NRXN1: variants seen among roughly 807,000 people sequenced by gnomAD.
The protein encoded by NRXN1 is neurexin-1.
Under a neutral mutation model 150.9 loss-of-function variants are expected in NRXN1, and 39 were observed. That is an observed-to-expected ratio of 0.26 (90% confidence interval 0.20 to 0.34). The LOEUF is 0.34. Among genes scored for constraint, NRXN1 ranks in the 10% least tolerant of loss-of-function variants. The probability of loss-of-function intolerance (pLI) is 1.00; values close to 1 mark genes in which losing one functional copy is unlikely to be tolerated. For synonymous variants in NRXN1, 924 were observed against 757.0 expected (o/e 1.22, Z -3.62); for missense variants, 1,815 against 1,949.9 (o/e 0.93, Z 1.30).
intron 5 of NRXN1, among the ~76,000 whole-genome samples, chr2:50,828,673 C>T (rs1299480884): frequency 6.6e-6 from 1 of 151,660 alleles, no homozygotes; most frequent in Non-Finnish European, 1.5e-5. Flanking sequence ...GATGGGATGG[C>T]GGCCGGGAAG....
At chr2:50,662,910 T>C (rs183223619) in intron 5 of NRXN1, among the ~76,000 whole-genome samples, 64 of 152,122 alleles carry the variant, frequency 4.2e-4, no homozygotes, top group Admixed American at 1.0e-3. Flanking sequence ...GTAAAATCAT[T>C]GATTCTTAGA....
intron 8 of NRXN1, among the ~76,000 whole-genome samples, chr2:50,581,932 T>C (rs1672330380): frequency 6.6e-6 from 1 of 152,128 alleles, no homozygotes; most frequent in Non-Finnish European, 1.5e-5. Context: ...GAGTGACATC[T>C]TAAAAATGTT....
At chr2:50,598,795 T>C (rs146488438) in intron 8 of NRXN1, among the ~76,000 whole-genome samples, 106 of 151,370 alleles carry the variant, frequency 7.0e-4, no homozygotes, top group South Asian at 2.1e-3. Flanking sequence ...TCTCTCTGTG[T>C]TGCCCAGGCT....
intron 21 of NRXN1, among the ~76,000 whole-genome samples, chr2:49,958,300 C>G (rs1029687640): frequency 6.6e-6 from 1 of 152,082 alleles, no homozygotes; most frequent in Non-Finnish European, 1.5e-5. Flanking sequence ...GTCCACTATT[C>G]AGACATTTTT....
chr2:50,806,741 C>T (rs1217857726), intron 5 of NRXN1, among the ~76,000 whole-genome samples: 1 of 152,128 alleles, frequency 6.6e-6, no homozygotes, highest in Non-Finnish European at 1.5e-5. Context: ...CTGTCTCTCT[C>T]TCTCTCTTAT....
At position 50,334,192 on chromosome 2, in the gene NRXN1, A is replaced by ATTTTATATATATATATATAT. The variant is rs1553457970; in HGVS notation, c.3365-97223_3365-97222insATATATATATATATATAAAA. ...CTGCCTTTCCTTAAGACCAGGACCA[A>ATTTTATATATATATATATAT]ATATATATATATATATATATGTATG... On this transcript the variant is annotated intron_variant, in intron 17 of 22. Coordinates refer to ENST00000401669, the MANE Select transcript of NRXN1 (RefSeq NM_001330078.2). Among the ~76,000 whole-genome samples the ATTTTATATATATATATATAT allele has an allele frequency of 2.9e-4, 34 of 118,964 alleles. 2 individuals are homozygous for ATTTTATATATATATATATAT. The highest frequency in any genetic ancestry group is 1.6e-3 in the South Asian group (6 of 3,822). 78.0% of individuals were successfully genotyped at this position (118,964 alleles called of 152,430 possible).
intron 5 of NRXN1, among the ~76,000 whole-genome samples, chr2:50,724,226 T>C (rs571326901): frequency 6.6e-6 from 1 of 152,314 alleles, no homozygotes; most frequent in East Asian, 1.9e-4. Context: ...AAATGAGTGT[T>C]AATAGCAGGG....
chr2:50,353,890 GATTGCTTTGCTTTTGATTTCCTTAA>G (rs1261306217), intron 17 of NRXN1, among the ~76,000 whole-genome samples: 1 of 152,118 alleles, frequency 6.6e-6, no homozygotes, highest in Non-Finnish European at 1.5e-5. Flanking sequence ...TTAAATCACA[GATTGCTTTGCTTTTGATTTCCTTAA>G]TCTTTGGAGG....
At chr2:49,923,239 T>C (rs1160910564) in intron 22 of NRXN1, among the ~76,000 whole-genome samples, 2 of 152,130 alleles carry the variant, frequency 1.3e-5, no homozygotes, top group Non-Finnish European at 2.9e-5. Context: ...CTATATATAA[T>C]AAACTTTTTT....
intron 5 of NRXN1, among the ~76,000 whole-genome samples, chr2:50,866,511 G>T (rs1279084320): frequency 4.0e-5 from 6 of 151,894 alleles, no homozygotes; most frequent in African/African-American, 1.4e-4. Flanking sequence ...AGCTAAAGGT[G>T]ACTTCCTTGC....
intron 19 of NRXN1, among the ~76,000 whole-genome samples, chr2:50,085,675 TTTATCATATAAATTATAAA>T (rs1414776960): frequency 7.5e-5 from 9 of 119,488 alleles, no homozygotes; most frequent in Non-Finnish European, 1.3e-4. Flanking sequence ...TAAATTATAA[TTTATCATATAAATTATAAA>T]TTCTATGGTT....
chr2:49,959,344 T>C (rs1178445296), intron 21 of NRXN1, among the ~76,000 whole-genome samples: 1 of 152,212 alleles, frequency 6.6e-6, no homozygotes, highest in East Asian at 1.9e-4. Flanking sequence ...CACTGGTTTA[T>C]ATTTTTACGT....
intron 2 of NRXN1, among the ~76,000 whole-genome samples, chr2:50,948,423 T>TA (rs1016893279): frequency 1.3e-5 from 2 of 151,978 alleles, no homozygotes; most frequent in Admixed American, 6.6e-5. Flanking sequence ...AAAGAAGCAA[T>TA]AAAAAACACA....
At chr2:50,933,531 G>C (rs780320980) in intron 2 of NRXN1, among the ~76,000 whole-genome samples, 5 of 152,050 alleles carry the variant, frequency 3.3e-5, no homozygotes, top group African/African-American at 4.8e-5. Flanking sequence ...TTGTGTTACA[G>C]AGTTATAGGA....
chr2:50,383,663 A>G (rs531946391), intron 17 of NRXN1, among the ~76,000 whole-genome samples: 4 of 152,308 alleles, frequency 2.6e-5, no homozygotes, highest in African/African-American at 7.2e-5. Flanking sequence ...CTAGGTTAAG[A>G]GTGGGAAGAA....
At chr2:50,544,262 T>C (rs1255852339) in intron 9 of NRXN1, among the ~76,000 whole-genome samples, 1 of 151,972 alleles carries the variant, frequency 6.6e-6, no homozygotes, top group African/African-American at 2.4e-5. Context: ...ACATTGACAA[T>C]AGGGTATAAT....
At chr2:50,521,532 T>C (rs1268283895) in intron 12 of NRXN1, among the ~76,000 whole-genome samples, 1 of 152,190 alleles carries the variant, frequency 6.6e-6, no homozygotes, top group African/African-American at 2.4e-5. Context: ...GCTCACATTG[T>C]TAATAAGTAA....
chr2:50,847,772 C>G (rs1673886934), intron 5 of NRXN1, among the ~76,000 whole-genome samples: 1 of 152,120 alleles, frequency 6.6e-6, no homozygotes, highest in Non-Finnish European at 1.5e-5. Flanking sequence ...TGGAAGAGCA[C>G]ACCGACAGAC....
intron 17 of NRXN1, among the ~76,000 whole-genome samples, chr2:50,425,985 C>T (rs1266774223): frequency 6.6e-6 from 1 of 152,200 alleles, no homozygotes; most frequent in Non-Finnish European, 1.5e-5. Context: ...CCTCTGTGTG[C>T]ATCTATCAGT....
Sources: allele counts gnomAD v4.1 joint callset (sites outside exome capture counted in the v4.1 genomes callset), GRCh38; gene constraint gnomAD v4.1.1; transcripts MANE v1.5; gene names NCBI Gene and HGNC (gene_info 2026-07-23, HGNC 2026-07-21).